EYS: variants seen among roughly 807,000 people sequenced by gnomAD.
EYS encodes the protein EGF-like photoreceptor maintenance factor.
A neutral mutation model predicts 282.1 loss-of-function variants in EYS; 250 were observed. The ratio of observed to expected loss-of-function variants is 0.89; its 90% confidence interval spans 0.80 to 0.98. The LOEUF (loss-of-function observed/expected upper bound fraction) is 0.98, where lower values mean the gene tolerates loss of function less well. Among genes scored for constraint, EYS ranks in the 50% least tolerant of loss-of-function variants. The probability of loss-of-function intolerance (pLI) is 0.00; values close to 1 mark genes in which losing one functional copy is unlikely to be tolerated. For synonymous variants in EYS, 1,355 were observed against 1,282.9 expected, an observed-to-expected ratio of 1.06 and a Z score of -1.20; for missense variants, 4,016 against 3,709.0, an observed-to-expected ratio of 1.08 and a Z score of -2.15.
chr6:64,989,436 G>A, intron 14 of EYS, among the ~76,000 whole-genome samples: 6 of 62,902 alleles, frequency 9.5e-5, no homozygotes, highest in African/African-American at 4.3e-4. Flanking sequence ...TGAGAAACAG[G>A]AAGAGGCTAT....
At chr6:64,780,979 A>G (rs1773840282) in intron 22 of EYS, among the ~76,000 whole-genome samples, 1 of 152,198 alleles carries the variant, frequency 6.6e-6, no homozygotes, top group South Asian at 2.1e-4. Flanking sequence ...ATATTTCTTT[A>G]CATCACAGTT....
At chr6:64,918,445 TTTTG>T (rs1165442128) in intron 15 of EYS, among the ~76,000 whole-genome samples, 2 of 152,096 alleles carry the variant, frequency 1.3e-5, no homozygotes, top group Non-Finnish European at 2.9e-5. Flanking sequence ...TTTAAGGGTT[TTTTG>T]TTTGTTTGTT....
At chr6:63,731,753 T>G (rs1026858490) in intron 41 of EYS, among the ~76,000 whole-genome samples, 1 of 152,212 alleles carries the variant, frequency 6.6e-6, no homozygotes, top group Non-Finnish European at 1.5e-5. Flanking sequence ...ATAGCTAATA[T>G]TTTTCAAAAA....
At chr6:64,943,490 C>G (rs958013906) in intron 15 of EYS, among the ~76,000 whole-genome samples, 13 of 152,140 alleles carry the variant, frequency 8.5e-5, no homozygotes, top group African/African-American at 2.9e-4. Flanking sequence ...GACACAAAAT[C>G]GATGTATACA....
At chr6:65,025,475 G>A (rs962372129) in intron 13 of EYS, among the ~76,000 whole-genome samples, 1 of 152,124 alleles carries the variant, frequency 6.6e-6, no homozygotes. Flanking sequence ...TTGCATTTAT[G>A]CATTTAGAGA....
At chr6:64,868,005 G>T (rs4568428) in intron 19 of EYS, among the ~76,000 whole-genome samples, 1 of 151,154 alleles carries the variant, frequency 6.6e-6, no homozygotes, top group Non-Finnish European at 1.5e-5. Context: ...ATATCATTTA[G>T]AAGAAGCTCT....
intron 31 of EYS, among the ~76,000 whole-genome samples, chr6:64,135,385 A>C (rs538882599): frequency 6.6e-6 from 1 of 152,100 alleles, no homozygotes. Context: ...TATGATCAAA[A>C]TTTTATTTAG....
chr6:64,312,775 C>G (rs903782728), intron 29 of EYS, among the ~76,000 whole-genome samples: 1 of 152,150 alleles, frequency 6.6e-6, no homozygotes, highest in Non-Finnish European at 1.5e-5. Flanking sequence ...CTCCAGCAGA[C>G]CAGTAGCAGA....
chr6:64,483,573 C>T (rs901420636), intron 26 of EYS, among the ~76,000 whole-genome samples: 8 of 151,690 alleles, frequency 5.3e-5, no homozygotes, highest in African/African-American at 1.9e-4. Context: ...TCTCTGGTGA[C>T]CCCCAGGAAT....
chr6:64,555,325 G>C (rs927384042), intron 26 of EYS, among the ~76,000 whole-genome samples: 1 of 151,786 alleles, frequency 6.6e-6, no homozygotes, highest in Non-Finnish European at 1.5e-5. Context: ...GGGTAGAGAG[G>C]AGAAAGGTGG....
intron 26 of EYS, among the ~76,000 whole-genome samples, chr6:64,539,385 C>A (rs971036123): frequency 6.6e-6 from 1 of 151,946 alleles, no homozygotes; most frequent in Non-Finnish European, 1.5e-5. Flanking sequence ...GGAAACCTAG[C>A]AATACCCTGT....
chr6:65,509,846 A>C (rs1036982800), intron 2 of EYS, among the ~76,000 whole-genome samples: 4 of 152,148 alleles, frequency 2.6e-5, no homozygotes, highest in African/African-American at 9.7e-5. Flanking sequence ...GGAATGCTGC[A>C]ATGTGAAGTG....
Position 65,195,938 on chromosome 6 carries a change from CA to C in EYS, c.2023+99924del, listed in dbSNP as rs1258054898. ...ATTGCCAATCTCAGAGACCTAGCTC[CA>C]AGGAATATCAACCAGCCAGTCATCC... is the stretch of plus-strand genomic sequence containing the variant. On this transcript the variant is annotated intron_variant, in intron 12 of 42. Coordinates refer to ENST00000503581, the MANE Select transcript of EYS (RefSeq NM_001142800.2). 4.6e-5 allele frequency among the ~76,000 whole-genome samples: 7 copies of C among 152,080 alleles called. No homozygotes were observed. The East Asian group carries it at 1.4e-3, about 30-fold the overall frequency.
intron 22 of EYS, among the ~76,000 whole-genome samples, chr6:64,758,404 T>C (rs1773027558): frequency 6.6e-6 from 1 of 152,204 alleles, no homozygotes; most frequent in African/African-American, 2.4e-5. Flanking sequence ...ACTGGGGTAC[T>C]ACTGCTTGGA....
At chr6:63,871,040 T>G (rs1425146854) in intron 35 of EYS, among the ~76,000 whole-genome samples, 1 of 152,190 alleles carries the variant, frequency 6.6e-6, no homozygotes, top group Non-Finnish European at 1.5e-5. Context: ...TCAGCACCTC[T>G]CTTGACTTCC....
intron 2 of EYS, among the ~76,000 whole-genome samples, chr6:65,636,409 G>T (rs1767090231): frequency 6.6e-6 from 1 of 151,920 alleles, no homozygotes. Context: ...GCATTCTCCT[G>T]CCTGGAAGTC....
At chr6:63,857,026 G>A (rs894516395) in intron 36 of EYS, among the ~76,000 whole-genome samples, 2 of 152,130 alleles carry the variant, frequency 1.3e-5, no homozygotes, top group African/African-American at 2.4e-5. Context: ...AGAGGTTTAA[G>A]CAAAATAAAT....
chr6:64,278,638 C>T (rs1440730251), intron 30 of EYS, among the ~76,000 whole-genome samples: 1 of 151,988 alleles, frequency 6.6e-6, no homozygotes, highest in South Asian at 2.1e-4. Flanking sequence ...AAGGTCATGC[C>T]CTGGTTGCTT....
At chr6:64,562,077 T>C (rs1765413550) in intron 26 of EYS, among the ~76,000 whole-genome samples, 1 of 151,874 alleles carries the variant, frequency 6.6e-6, no homozygotes, top group African/African-American at 2.4e-5. Context: ...CATTCTTATT[T>C]GTTCTTTTAT....
Sources: allele counts gnomAD v4.1 joint callset (sites outside exome capture counted in the v4.1 genomes callset), GRCh38; gene constraint gnomAD v4.1.1; transcripts MANE v1.5; gene names NCBI Gene and HGNC (gene_info 2026-07-23, HGNC 2026-07-21).